ADAM22: variants seen among roughly 807,000 people sequenced by gnomAD.
The protein encoded by ADAM22 is disintegrin and metalloproteinase domain-containing protein 22.
In ADAM22, 65 loss-of-function variants were observed where a neutral mutation model predicts 144.6. The observed-to-expected ratio is 0.45, with a 90% CI of 0.37 to 0.55. The LOEUF is 0.55. ADAM22 is among the 20% of genes least tolerant of loss of function. The probability of loss-of-function intolerance (pLI) is 0.00; values close to 1 mark genes in which losing one functional copy is unlikely to be tolerated. For missense variants in ADAM22, 974 were observed against 1,184.9 expected, an observed-to-expected ratio of 0.82 and a Z score of 2.61; for synonymous variants, 391 against 412.6, an observed-to-expected ratio of 0.95 and a Z score of 0.63.
At chr7:88,038,915 G>T (rs1335259974) in intron 3 of ADAM22, among the ~76,000 whole-genome samples, 1 of 151,658 alleles carries the variant, frequency 6.6e-6, no homozygotes, top group Non-Finnish European at 1.5e-5. Context: ...CGAGTAGCTG[G>T]GACTATAGGC....
chr7:88,094,127 C>T (rs1302631353), intron 4 of ADAM22, among the ~76,000 whole-genome samples: 1 of 152,104 alleles, frequency 6.6e-6, no homozygotes, highest in Non-Finnish European at 1.5e-5. Context: ...ATTTCTTGCC[C>T]TCATGAAGCT....
chr7:88,037,184 A>G (rs188025861), intron 3 of ADAM22, among the ~76,000 whole-genome samples: 2 of 152,264 alleles, frequency 1.3e-5, no homozygotes, highest in East Asian at 3.9e-4. Flanking sequence ...AAGTAATGGA[A>G]TTAGTAGATC....
At chr7:88,038,823 C>T (rs1003523605) in intron 3 of ADAM22, among the ~76,000 whole-genome samples, 1 of 151,512 alleles carries the variant, frequency 6.6e-6, no homozygotes, top group African/African-American at 2.4e-5. Flanking sequence ...CTCTGTTGCC[C>T]AGGCGGGAGC....
At chr7:87,992,938 A>T (rs554999888) in intron 3 of ADAM22, among the ~76,000 whole-genome samples, 1 of 152,242 alleles carries the variant, frequency 6.6e-6, no homozygotes. Flanking sequence ...CTCCTCTTAA[A>T]CCTTGGTAAA....
intron 3 of ADAM22, among the ~76,000 whole-genome samples, chr7:88,037,719 A>T (rs752009535): frequency 3.9e-5 from 6 of 152,000 alleles, no homozygotes; most frequent in Non-Finnish European, 7.4e-5. Context: ...CATCCTCACC[A>T]TCTTTCCCTT....
At chr7:87,963,314 C>T (rs115478390) in intron 2 of ADAM22, among the ~76,000 whole-genome samples, 3 of 152,032 alleles carry the variant, frequency 2.0e-5, no homozygotes, top group East Asian at 3.9e-4. Context: ...GGGGGAAGTT[C>T]GGAGCGACAA....
intron 4 of ADAM22, among the ~76,000 whole-genome samples, chr7:88,088,381 A>T (rs1331119617): frequency 9.9e-5 from 15 of 152,078 alleles, no homozygotes; most frequent in Admixed American, 9.8e-4. Context: ...CTGCTAGCAG[A>T]GTCTCTAGAT....
intron 3 of ADAM22, among the ~76,000 whole-genome samples, chr7:88,038,674 C>T (rs954848645): frequency 5.3e-5 from 8 of 151,702 alleles, no homozygotes; most frequent in African/African-American, 1.5e-4. Flanking sequence ...AGGATGGTCT[C>T]GATCTCCTGA....
At chr7:88,080,787 G>A (rs1002035327) in intron 4 of ADAM22, among the ~76,000 whole-genome samples, 2 of 152,146 alleles carry the variant, frequency 1.3e-5, no homozygotes, top group Non-Finnish European at 2.9e-5. Flanking sequence ...ACTCTCCCAA[G>A]ACTAAACCAG....
intron 7 of ADAM22, among the ~76,000 whole-genome samples, chr7:88,119,289 A>G (rs569673690): frequency 1.3e-5 from 2 of 152,286 alleles, no homozygotes; most frequent in South Asian, 2.1e-4. Flanking sequence ...CATTACCCCA[A>G]TAACTTCCTT....
chr7:88,138,784 A>T (rs1039494174), intron 14 of ADAM22, among the ~76,000 whole-genome samples: 4 of 152,252 alleles, frequency 2.6e-5, no homozygotes, highest in African/African-American at 9.6e-5. Flanking sequence ...AAGACTTTAC[A>T]TAGTTAAGAA....
At chr7:88,160,943 A>G (rs1393551446) in intron 22 of ADAM22, among the ~76,000 whole-genome samples, 2 of 152,182 alleles carry the variant, frequency 1.3e-5, no homozygotes, top group East Asian at 3.9e-4. Flanking sequence ...GAAGGGGAGC[A>G]TCACACACCG....
At chr7:87,970,449 G>T (rs1850170998) in intron 2 of ADAM22, among the ~76,000 whole-genome samples, 1 of 152,034 alleles carries the variant, frequency 6.6e-6, no homozygotes, top group African/African-American at 2.4e-5. Flanking sequence ...CATTTGATTG[G>T]TAATATTCCC....
chr7:88,044,818 T>A (rs144160197), intron 3 of ADAM22, among the ~76,000 whole-genome samples: 4,736 of 150,748 alleles, frequency 0.031, 258 homozygotes, highest in African/African-American at 0.11. Flanking sequence ...CTCTGCCTCC[T>A]GGGTTCAAGT....
chr7:88,063,155 A>G (rs1028507302), intron 3 of ADAM22, among the ~76,000 whole-genome samples: 1 of 152,224 alleles, frequency 6.6e-6, no homozygotes. Context: ...AAACAACAAT[A>G]GCAATAACAA....
chr7:87,982,064 T>TAC lies in ADAM22; in HGVS notation c.323+3653_323+3654insCA, dbSNP rs1250869235. Among the ~76,000 whole-genome samples the TAC allele has an allele frequency of 3.8e-3, 304 of 79,292 alleles. 1 individual carries two copies. The highest frequency in any genetic ancestry group is 8.1e-3 in the East Asian group (19 of 2,352). The allele number at this position is 79,292 out of a possible 152,430, so 52.0% of individuals were successfully genotyped here. A position where few individuals can be genotyped will look rare whatever the true frequency, so the allele number is the denominator to read the frequency against. ...TATTTCATATATATATATATATATATATATACACACACACACACACACACA... is the reference window on the plus strand; with the variant it reads ...TATTTCATATATATATATATATATATACATATACACACACACACACACACACA... On this transcript the variant is annotated intron_variant, in intron 3 of 31. Transcript: ENST00000413139.
intron 29 of ADAM22, 170 bp from the exon 30 acceptor site, chr7:88,186,445 T>C: frequency 1.6e-6 from 1 of 643,272 alleles, no homozygotes; most frequent in Non-Finnish European, 2.8e-6. Context: ...CTGAGATTAT[T>C]CTCATGTCAT....
Position 88,083,913 on chromosome 7 carries a change from GA to G in ADAM22, c.390+8230del, listed in dbSNP as rs71687313. 6.5e-3 allele frequency among the ~76,000 whole-genome samples: 973 copies of G among 150,702 alleles called. 15 individuals are homozygous for G. Among genetic ancestry groups the G allele is most frequent in the African/African-American group, 0.022 (922 of 41,132 alleles). On this transcript the variant is annotated intron_variant, in intron 4 of 31. Coordinates refer to ENST00000413139, the MANE Select transcript of ADAM22 (RefSeq NM_001324418.2). The stretch of plus-strand genomic sequence containing the variant: ...ATGGAGCCATTTTGTTTATAGTTGG[GA>G]AAAAAAAATTACCTAGGGCTAGAAT...
At chr7:88,063,951 A>G (rs1440723397) in intron 3 of ADAM22, among the ~76,000 whole-genome samples, 2 of 152,210 alleles carry the variant, frequency 1.3e-5, no homozygotes, top group Non-Finnish European at 2.9e-5. Flanking sequence ...ACTGAGCTCC[A>G]CCAAAATAAG....
Sources: gnomAD v4.1 joint callset for allele counts (sites outside exome capture counted in the v4.1 genomes callset) on GRCh38, gnomAD v4.1.1 for gene constraint, MANE v1.5 for transcripts, NCBI Gene and HGNC (gene_info 2026-07-23, HGNC 2026-07-21) for gene names.